TTC34: variants seen among roughly 807,000 people sequenced by gnomAD.
TTC34 encodes the protein tetratricopeptide repeat domain 34.
TTC34 carries 44 observed loss-of-function variants against 40.7 expected under a neutral mutation model. The ratio of observed to expected loss-of-function variants is 1.08; its 90% confidence interval spans 0.85 to 1.39. TTC34 has a LOEUF of 1.39. Among genes scored for constraint, TTC34 ranks in the 40% most tolerant of loss-of-function variants. The probability of loss-of-function intolerance (pLI) is 0.00; values close to 1 mark genes in which losing one functional copy is unlikely to be tolerated. For missense variants in TTC34, 884 were observed against 838.0 expected (o/e 1.05, Z -0.68); for synonymous variants, 422 against 398.6 (o/e 1.06, Z -0.70).
chr1:2,685,945 G>A (rs1360918159), intron 6 of TTC34, among the ~76,000 whole-genome samples: 6 of 144,394 alleles, frequency 4.2e-5, no homozygotes, highest in Non-Finnish European at 6.1e-5. Flanking sequence ...TGACAGCCGG[G>A]AACAGCACCC....
At chr1:2,756,678 C>G (rs1641517442) in intron 6 of TTC34, among the ~76,000 whole-genome samples, 1 of 3,756 alleles carries the variant, frequency 2.7e-4, no homozygotes, top group East Asian at 6.5e-3. Context: ...CCCAGGTGAG[C>G]AGCTGAAATC....
intron 6 of TTC34, among the ~76,000 whole-genome samples, chr1:2,685,777 C>A (rs1331232312): frequency 6.8e-6 from 1 of 147,890 alleles, no homozygotes. Flanking sequence ...GAGCATCTGA[C>A]AGCCTGGAAC....
chr1:2,652,074 G>C (rs1311436689), intron 6 of TTC34, among the ~76,000 whole-genome samples: 4 of 86,918 alleles, frequency 4.6e-5, no homozygotes, highest in Non-Finnish European at 5.0e-5. Flanking sequence ...GCCTGGAGGA[G>C]CACCCACACC....
chr1:2,792,480 C>T (rs1643673910), intron 2 of TTC34, among the ~76,000 whole-genome samples: 1 of 152,184 alleles, frequency 6.6e-6, no homozygotes, highest in African/African-American at 2.4e-5. Flanking sequence ...GCATGATGGA[C>T]ACTTTGTGGA....
chr1:2,749,737 A>C (rs1641256171), intron 6 of TTC34, among the ~76,000 whole-genome samples: 1 of 87,438 alleles, frequency 1.1e-5, no homozygotes, highest in Non-Finnish European at 2.1e-5. Flanking sequence ...CCAGGTGAGC[A>C]TCTGACAGAC....
exon 2 of TTC34, chr1:2,800,689 G>A (rs1216437758): frequency 3.0e-5 from 12 of 398,416 alleles, no homozygotes; most frequent in Admixed American, 4.4e-5. Flanking sequence ...AGGGCAGTGC[G>A]CACACTCTGC....
intron 5 of TTC34, among the ~76,000 whole-genome samples, chr1:2,784,753 T>C (rs1193713881): frequency 6.6e-6 from 1 of 152,286 alleles, no homozygotes; most frequent in Non-Finnish European, 1.5e-5. Context: ...TAATAATGAT[T>C]AATAATTGTT....
At chr1:2,690,984 T>C (rs75561862) in intron 6 of TTC34, among the ~76,000 whole-genome samples, 58 of 27,026 alleles carry the variant, frequency 2.1e-3, no homozygotes, top group East Asian at 3.8e-3. Flanking sequence ...CCCACACCCC[T>C]AGGAGAGCAT....
exon 8 of TTC34, chr1:2,644,333 C>T: frequency 6.5e-7 from 1 of 1,535,928 alleles, no homozygotes; most frequent in Non-Finnish European, 8.7e-7. Context: ...GGGCATCCAC[C>T]TCGGCCAGGC....
intron 6 of TTC34, among the ~76,000 whole-genome samples, chr1:2,675,766 G>GC (rs2100295180): frequency 4.4e-5 from 1 of 22,646 alleles, no homozygotes; most frequent in Non-Finnish European, 1.1e-4. Flanking sequence ...AACCACACAC[G>GC]CAGGTGCGCA....
rs1452109468 is a variant in TTC34 at position 2,751,193 on chromosome 1, G to A, written c.2226+32416C>T. On this transcript the variant is annotated intron_variant, in intron 6 of 8. Coordinates refer to ENST00000401095, the Ensembl canonical transcript of TTC34. ...CCCCAGGCGAGCATCCGACAGCCTG[G>A]AGCAGCACCCACACCCTCAGGTGAG... Among the ~76,000 whole-genome samples, 332 of 118,500 alleles carry A rather than the reference G, an allele frequency of 2.8e-3. 90 individuals are homozygous for A. The highest frequency in any genetic ancestry group is 0.012 in the African/African-American group (318 of 26,262). 77.7% of individuals were successfully genotyped at this position (118,500 alleles called of 152,430 possible).
At chr1:2,647,936 C>A (rs1210898395) in intron 6 of TTC34, among the ~76,000 whole-genome samples, 1 of 151,940 alleles carries the variant, frequency 6.6e-6, no homozygotes, top group Admixed American at 6.6e-5. Context: ...TGCTGTTGTG[C>A]CTGCCTAGTA....
At chr1:2,686,292 C>T (rs1214928407) in intron 6 of TTC34, among the ~76,000 whole-genome samples, 1 of 151,916 alleles carries the variant, frequency 6.6e-6, no homozygotes, top group Non-Finnish European at 1.5e-5. Context: ...CCCAGGCGAG[C>T]ATCTGAACGC....
At chr1:2,685,449 G>A (rs371502717) in intron 6 of TTC34, among the ~76,000 whole-genome samples, 2 of 133,892 alleles carry the variant, frequency 1.5e-5, no homozygotes, top group South Asian at 2.4e-4. Context: ...TGCAGGGCGA[G>A]CATCTGACAG....
intron 6 of TTC34, chr1:2,775,535 C>T (rs1282009082): frequency 6.8e-6 from 1 of 148,048 alleles, no homozygotes; most frequent in Non-Finnish European, 1.5e-5. Context: ...ATCTGACAAC[C>T]AGAACCTGCA....
At chr1:2,782,308 C>A (rs1643495825) in intron 6 of TTC34, among the ~76,000 whole-genome samples, 1 of 152,080 alleles carries the variant, frequency 6.6e-6, no homozygotes, top group African/African-American at 2.4e-5. Flanking sequence ...CTATTACTAT[C>A]TTATAATTAT....
At chr1:2,660,820 C>T (rs1570772622) in intron 6 of TTC34, among the ~76,000 whole-genome samples, 1 of 73,284 alleles carries the variant, frequency 1.4e-5, no homozygotes, top group Admixed American at 1.3e-4. Flanking sequence ...CAGCCTGGAA[C>T]AGCACCCACA....
At chr1:2,699,604 G>C (rs9793065) in intron 6 of TTC34, among the ~76,000 whole-genome samples, 4 of 126,794 alleles carry the variant, frequency 3.2e-5, no homozygotes, top group East Asian at 2.4e-4. Flanking sequence ...GCCTGGAGCA[G>C]CACCCACACA....
In TTC34 at chr1:2,645,863, G is replaced by C. The variant is rs956811256; in HGVS notation, c.2227-300C>G. On this transcript the variant is annotated intron_variant, in intron 6 of 8. Transcript: ENST00000401095. This position sits in a 1 kb window ranked among gnomAD's most constrained non-coding sequence, Gnocchi z 4.7. The stretch of plus-strand genomic sequence containing the variant: ...AACGCTGCTAATTTCCATCTCCTGA[G>C]GCTGCCTGCGGTCTGTGAGCCCTCC... Among the ~76,000 whole-genome samples, 1 of 152,142 alleles carries C rather than the reference G, an allele frequency of 6.6e-6. No homozygotes were observed. Among genetic ancestry groups the C allele is most frequent in the African/African-American group, 2.4e-5 (1 of 41,430 alleles).
Sources: allele counts gnomAD v4.1 joint callset (sites outside exome capture counted in the v4.1 genomes callset), GRCh38; gene constraint gnomAD v4.1.1; non-coding constraint Gnocchi (gnomAD v3.1); transcripts MANE v1.5; gene names NCBI Gene and HGNC (gene_info 2026-07-23, HGNC 2026-07-21).